The following ZBTB20 variants were observed in gnomAD, a reference collection of about 807,000 sequenced individuals.
ZBTB20 encodes the protein zinc finger and BTB domain-containing protein 20.
In ZBTB20, 9 loss-of-function variants were observed where a neutral mutation model predicts 56.9. The observed-to-expected ratio is 0.16, with a 90% CI of 0.10 to 0.28. The LOEUF (loss-of-function observed/expected upper bound fraction) is 0.28, where lower values mean the gene tolerates loss of function less well. Among genes scored for constraint, ZBTB20 ranks in the 10% least tolerant of loss-of-function variants. The probability of loss-of-function intolerance (pLI) is 1.00; values close to 1 mark genes in which losing one functional copy is unlikely to be tolerated. For missense variants in ZBTB20, 655 were observed against 1,003.0 expected, an observed-to-expected ratio of 0.65 and a Z score of 4.69; for synonymous variants, 417 against 420.7, an observed-to-expected ratio of 0.99 and a Z score of 0.11.
intron 6 of ZBTB20, among the ~76,000 whole-genome samples, chr3:114,685,249 G>A (rs2062259064): frequency 6.6e-6 from 1 of 152,154 alleles, no homozygotes; most frequent in Non-Finnish European, 1.5e-5. Context: ...TTGAGGTAAA[G>A]CCTGGGGACT....
At chr3:114,841,515 A>G (rs1579107838) in intron 4 of ZBTB20, among the ~76,000 whole-genome samples, 1 of 152,292 alleles carries the variant, frequency 6.6e-6, no homozygotes, top group East Asian at 1.9e-4. Flanking sequence ...GTGAGATAAG[A>G]TGGTACCCTG....
At chr3:114,709,962 T>G (rs2063955851) in intron 5 of ZBTB20, among the ~76,000 whole-genome samples, 1 of 152,178 alleles carries the variant, frequency 6.6e-6, no homozygotes, top group Admixed American at 6.6e-5. Flanking sequence ...CCTGTTTAAA[T>G]CTTCACTAAT....
intron 5 of ZBTB20, among the ~76,000 whole-genome samples, chr3:114,766,819 C>T (rs758262717): frequency 2.0e-5 from 3 of 152,000 alleles, no homozygotes; most frequent in Non-Finnish European, 4.4e-5. Context: ...AAGAAAACTG[C>T]TTTGCAACAT....
chr3:114,627,542 G>A (rs1323467412), intron 6 of ZBTB20, among the ~76,000 whole-genome samples: 1 of 152,106 alleles, frequency 6.6e-6, no homozygotes, highest in East Asian at 1.9e-4. Context: ...GTTAGAGAAG[G>A]AAAGTCAGAC....
At chr3:114,742,903 T>A (rs528319038) in intron 5 of ZBTB20, among the ~76,000 whole-genome samples, 1 of 152,266 alleles carries the variant, frequency 6.6e-6, no homozygotes, top group African/African-American at 2.4e-5. Context: ...TTGTTGGGTG[T>A]CTCCCATGGA....
Position 114,438,307 on chromosome 3 carries a change from T to C in ZBTB20, c.-254-49202A>G, listed in dbSNP as rs188025669. ...CTAAGATAATCTTAATGTTAGGTGC[T>C]CATTTTAAAACATCAATTTAATGAC... On this transcript the variant is annotated intron_variant, in intron 7 of 11. Coordinates refer to ENST00000675478, the MANE Select transcript of ZBTB20 (RefSeq NM_001348800.3). Among the ~76,000 whole-genome samples, 144 of 151,722 alleles carry C rather than the reference T, an allele frequency of 9.5e-4. 1 individual carries two copies. The highest frequency in any genetic ancestry group is 2.3e-3 in the East Asian group (12 of 5,134).
chr3:114,924,974 GTTC>G (rs1445751810), intron 3 of ZBTB20, among the ~76,000 whole-genome samples: 5 of 138,526 alleles, frequency 3.6e-5, no homozygotes, highest in East Asian at 2.1e-4. Flanking sequence ...TTCCCATTTG[GTTC>G]TTCTTTTTTT....
rs1433434685 is a variant in ZBTB20 at position 114,787,368 on chromosome 3, T to TATATATATATACACATAC, written c.-343+13732_-343+13733insGTATGTGTATATATATAT. 1.7e-4 allele frequency among the ~76,000 whole-genome samples: 18 copies of TATATATATATACACATAC among 106,312 alleles called. 1 individual carries two copies. Among genetic ancestry groups the TATATATATATACACATAC allele is most frequent in the South Asian group, 5.3e-4 (2 of 3,754 alleles). The allele number at this position is 106,312 out of a possible 152,430, so 69.7% of individuals were successfully genotyped here. ...ATATATATATATATATATATATATA[T>TATATATATATACACATAC]ACACACACACACACACACACACACA... On this transcript the variant is annotated intron_variant, in intron 5 of 11. Transcript: ENST00000675478.
intron 3 of ZBTB20, among the ~76,000 whole-genome samples, chr3:114,942,999 C>T (rs1161567985): frequency 1.4e-5 from 2 of 145,012 alleles, no homozygotes; most frequent in Non-Finnish European, 3.0e-5. Flanking sequence ...GTTCCTCTTT[C>T]TTGGAGTGAG....
chr3:114,943,937 A>G (rs2076804547), intron 3 of ZBTB20, among the ~76,000 whole-genome samples: 1 of 144,856 alleles, frequency 6.9e-6, no homozygotes, highest in South Asian at 2.1e-4. Flanking sequence ...CCTGTTTGTA[A>G]AACTATTTAA....
intron 7 of ZBTB20, among the ~76,000 whole-genome samples, chr3:114,428,096 G>C (rs1479610228): frequency 6.6e-6 from 1 of 152,132 alleles, no homozygotes; most frequent in Non-Finnish European, 1.5e-5. Context: ...ATAATCCAAA[G>C]GGCACAATTT....
chr3:114,549,629 A>G (rs1046075878), intron 6 of ZBTB20, among the ~76,000 whole-genome samples: 32 of 152,312 alleles, frequency 2.1e-4, no homozygotes, highest in African/African-American at 7.7e-4. Context: ...TAGGACATAA[A>G]CAGTTTACTA....
At chr3:114,352,340 C>T (rs946191108) in intron 10 of ZBTB20, among the ~76,000 whole-genome samples, 1 of 152,194 alleles carries the variant, frequency 6.6e-6, no homozygotes, top group African/African-American at 2.4e-5. Flanking sequence ...TTTACATTTC[C>T]CCCAACTTAT....
At chr3:114,828,944 T>A (rs2108949066) in intron 4 of ZBTB20, among the ~76,000 whole-genome samples, 1 of 151,984 alleles carries the variant, frequency 6.6e-6, no homozygotes, top group Admixed American at 6.6e-5. Context: ...TAAAGATGTG[T>A]TTTAAATGCC....
intron 10 of ZBTB20, among the ~76,000 whole-genome samples, chr3:114,364,761 C>A (rs757558861): frequency 6.6e-6 from 1 of 152,134 alleles, no homozygotes; most frequent in African/African-American, 2.4e-5. Flanking sequence ...CCTTAAATTC[C>A]TTGCTTTTAT....
intron 6 of ZBTB20, among the ~76,000 whole-genome samples, chr3:114,569,098 GGTGA>G: frequency 6.6e-6 from 1 of 152,174 alleles, no homozygotes; most frequent in South Asian, 2.1e-4. Context: ...AACTGATTTG[GGTGA>G]GTTGTTAATG....
In ZBTB20 at chr3:114,573,300, A is replaced by T. The variant is rs370393637; in HGVS notation, c.-294-72909T>A. On this transcript the variant is annotated intron_variant, in intron 6 of 11. Coordinates refer to ENST00000675478, the MANE Select transcript of ZBTB20 (RefSeq NM_001348800.3). ...CATGGTGAAACCCTGTCTCTACTAA[A>T]ATACAAAAAAGTAGCTGGGCTTGGT... Among the ~76,000 whole-genome samples, 552 of 152,130 alleles carry T rather than the reference A, an allele frequency of 3.6e-3. 6 individuals are homozygous for T. Among genetic ancestry groups the T allele is most frequent in the African/African-American group, 0.012 (517 of 41,496 alleles).
intron 7 of ZBTB20, among the ~76,000 whole-genome samples, chr3:114,485,012 A>G (rs1022262589): frequency 6.6e-6 from 1 of 152,220 alleles, no homozygotes; most frequent in Non-Finnish European, 1.5e-5. Context: ...CAGGAAATAA[A>G]GGATTGATTT....
chr3:114,865,904 A>C (rs751927617), intron 4 of ZBTB20, among the ~76,000 whole-genome samples: 2 of 152,204 alleles, frequency 1.3e-5, no homozygotes, highest in Non-Finnish European at 2.9e-5. Flanking sequence ...CAGATAAGTT[A>C]ACTAACTTGC....
Sources: gnomAD v4.1 joint callset for allele counts (sites outside exome capture counted in the v4.1 genomes callset) on GRCh38, gnomAD v4.1.1 for gene constraint, MANE v1.5 for transcripts, NCBI Gene and HGNC (gene_info 2026-07-23, HGNC 2026-07-21) for gene names.